Variants in RBFOX1 observed in about 807,000 individuals in gnomAD.
The protein encoded by RBFOX1 is RNA binding protein fox-1 homolog 1.
Under a neutral mutation model 57.7 loss-of-function variants are expected in RBFOX1, and 8 were observed. That is an observed-to-expected ratio of 0.14 (90% confidence interval 0.08 to 0.25). The LOEUF (loss-of-function observed/expected upper bound fraction) is 0.25. Among genes scored for constraint, RBFOX1 ranks in the 10% least tolerant of loss-of-function variants. The pLI, the probability that RBFOX1 is intolerant of heterozygous loss-of-function variation, is 1.00. For missense variants in RBFOX1, 611 were observed against 548.5 expected (o/e 1.11, Z -1.14); for synonymous variants, 326 against 222.4 (o/e 1.47, Z -4.15).
chr16:7,057,908 T>A (rs1704185740), intron 4 of RBFOX1, among the ~76,000 whole-genome samples: 2 of 148,288 alleles, frequency 1.3e-5, no homozygotes, highest in African/African-American at 4.9e-5. Context: ...CTCCGGAGGC[T>A]GAGGCAGGAG....
intron 5 of RBFOX1, among the ~76,000 whole-genome samples, chr16:7,571,117 G>C (rs1268460639): frequency 6.6e-6 from 1 of 152,170 alleles, no homozygotes; most frequent in Non-Finnish European, 1.5e-5. Flanking sequence ...GCTAATGCAT[G>C]CGGGGCTTAT....
At chr16:7,631,535 C>T (rs1328744464) in intron 11 of RBFOX1, among the ~76,000 whole-genome samples, 1 of 152,180 alleles carries the variant, frequency 6.6e-6, no homozygotes, top group Non-Finnish European at 1.5e-5. Flanking sequence ...GAAACTTTAA[C>T]ATCTGTTTTA....
intron 4 of RBFOX1, among the ~76,000 whole-genome samples, chr16:7,319,030 T>C (rs1000642768): frequency 2.0e-5 from 3 of 152,206 alleles, no homozygotes; most frequent in South Asian, 2.1e-4. Flanking sequence ...TGGTAAGTTT[T>C]AGATGGTTAA....
intron 3 of RBFOX1, among the ~76,000 whole-genome samples, chr16:5,630,329 T>C (rs2048467646): frequency 6.6e-6 from 1 of 151,982 alleles, no homozygotes; most frequent in African/African-American, 2.4e-5. Context: ...TTGTGGCACA[T>C]GTCTGTAATC....
chr16:6,085,380 C>T lies in RBFOX1; in HGVS notation c.-127+65388C>T, dbSNP rs567836164. Among the ~76,000 whole-genome samples, 3 of 152,340 alleles carry T rather than the reference C, an allele frequency of 2.0e-5. No individual in the cohort carries two copies. In the East Asian group the frequency reaches 5.8e-4, roughly 29 times the overall value. ...CTCTGCCTAGCGGGTTCAAGCGATT[C>T]TCCTGCCTCAGCCTCCCGAGTAGCT... is the stretch of plus-strand genomic sequence containing the variant. On this transcript the variant is annotated intron_variant, in intron 1 of 15. Coordinates refer to ENST00000550418, the MANE Select transcript of RBFOX1 (RefSeq NM_018723.4).
chr16:5,715,426 G>A (rs1003452549), intron 3 of RBFOX1, among the ~76,000 whole-genome samples: 23 of 152,274 alleles, frequency 1.5e-4, no homozygotes, highest in African/African-American at 5.3e-4. Flanking sequence ...CACATTGAAG[G>A]ATATTTATGG....
At chr16:5,533,406 T>G (rs774730836) in intron 2 of RBFOX1, among the ~76,000 whole-genome samples, 3 of 152,192 alleles carry the variant, frequency 2.0e-5, no homozygotes, top group Non-Finnish European at 1.5e-5. Context: ...TGTGGATAGT[T>G]TCATCACTGG....
chr16:5,866,885 G>A (rs2057355610), intron 3 of RBFOX1, among the ~76,000 whole-genome samples: 1 of 152,096 alleles, frequency 6.6e-6, no homozygotes, highest in South Asian at 2.1e-4. Context: ...TGTCATTGTA[G>A]CTTTTACCTG....
At chr16:5,971,583 T>G (rs1011475280) in intron 4 of RBFOX1, among the ~76,000 whole-genome samples, 3 of 152,164 alleles carry the variant, frequency 2.0e-5, no homozygotes, top group African/African-American at 7.2e-5. Flanking sequence ...ATGCACTAGC[T>G]CTTGTGGTCT....
chr16:7,033,577 A>T lies in RBFOX1; in HGVS notation c.-15-18480A>T, dbSNP rs1400399800. ...CTTTAAGAGGACAGAGCTGATCATC[A>T]TGGGTGATATGCTTAGGATAACTTT... On this transcript the variant is annotated intron_variant, in intron 3 of 15. Coordinates refer to ENST00000550418, the MANE Select transcript of RBFOX1 (RefSeq NM_018723.4). 3.3e-5 allele frequency among the ~76,000 whole-genome samples: 5 copies of T among 152,190 alleles called. No homozygotes were observed. In the East Asian group the frequency reaches 9.6e-4, roughly 29 times the overall value.
At chr16:6,109,218 G>A (rs2096416468) in intron 1 of RBFOX1, among the ~76,000 whole-genome samples, 1 of 152,012 alleles carries the variant, frequency 6.6e-6, no homozygotes, top group South Asian at 2.1e-4. Flanking sequence ...TAATATTCTA[G>A]TAAAGCTTAT....
chr16:5,569,438 C>CTTTTTTTTTTTTTTTTTT lies in RBFOX1; in HGVS notation c.259-29452_259-29435dup. On this transcript the variant is annotated intron_variant, in intron 2 of 2. Transcript: ENST00000585867. ...GTAAGGGTTAATGATAAGAAGTAACCTTTTTTTTTTTTTTTTTTTTTTTTT... is the reference window on the plus strand; with the variant it reads ...GTAAGGGTTAATGATAAGAAGTAACCTTTTTTTTTTTTTTTTTTTTTTTTTTTTTTTTTTTTTTTTTTT... Among the ~76,000 whole-genome samples the CTTTTTTTTTTTTTTTTTT allele has an allele frequency of 7.1e-4, 35 of 49,208 alleles. 1 individual carries two copies. The highest frequency in any genetic ancestry group is 1.5e-3 in the Admixed American group (4 of 2,744). 32.3% of individuals were successfully genotyped at this position (49,208 alleles called of 152,430 possible). A position where few individuals can be genotyped will look rare whatever the true frequency, so the allele number is the denominator to read the frequency against.
intron 4 of RBFOX1, among the ~76,000 whole-genome samples, chr16:5,898,219 A>T (rs2058214558): frequency 1.3e-5 from 2 of 152,194 alleles, no homozygotes; most frequent in Non-Finnish European, 2.9e-5. Context: ...GCATGAGGGT[A>T]ACTTCCCCCA....
At chr16:7,252,186 G>A (rs1027669649) in intron 4 of RBFOX1, among the ~76,000 whole-genome samples, 1 of 152,202 alleles carries the variant, frequency 6.6e-6, no homozygotes, top group Admixed American at 6.5e-5. Flanking sequence ...CAAAAAGGAG[G>A]AAGGAGCTGG....
At chr16:6,159,970 G>T (rs2096866085) in intron 1 of RBFOX1, among the ~76,000 whole-genome samples, 1 of 152,104 alleles carries the variant, frequency 6.6e-6, no homozygotes. Context: ...CTTCCTAAGG[G>T]AACCTGAGAC....
chr16:6,939,509 T>C (rs1418004678), intron 3 of RBFOX1, among the ~76,000 whole-genome samples: 2 of 149,804 alleles, frequency 1.3e-5, no homozygotes, highest in Non-Finnish European at 3.0e-5. Context: ...TTTCTTTCTT[T>C]TTTTTTTTTT....
At chr16:7,003,417 G>A (rs543802015) in intron 3 of RBFOX1, among the ~76,000 whole-genome samples, 4 of 151,028 alleles carry the variant, frequency 2.6e-5, no homozygotes, top group South Asian at 2.1e-4. Flanking sequence ...CAGAGATTGC[G>A]CCACTGTACT....
At chr16:6,973,870 C>G (rs922747480) in intron 3 of RBFOX1, among the ~76,000 whole-genome samples, 2 of 152,036 alleles carry the variant, frequency 1.3e-5, no homozygotes, top group African/African-American at 4.8e-5. Flanking sequence ...CTGTGCCTGT[C>G]AAGCTGTCAT....
chr16:5,541,277 C>T (rs915424942), intron 2 of RBFOX1, among the ~76,000 whole-genome samples: 1 of 152,058 alleles, frequency 6.6e-6, no homozygotes, highest in East Asian at 1.9e-4. Flanking sequence ...ATTGTGAACG[C>T]TGAAAATCTG....
Sources: allele counts gnomAD v4.1 joint callset (sites outside exome capture counted in the v4.1 genomes callset), GRCh38; gene constraint gnomAD v4.1.1; transcripts MANE v1.5; gene names NCBI Gene and HGNC (gene_info 2026-07-23, HGNC 2026-07-21).